NBEA: variants seen among roughly 807,000 people sequenced by gnomAD.
The protein encoded by NBEA is neurobeachin.
Under a neutral mutation model 343.4 loss-of-function variants are expected in NBEA, and 44 were observed. The ratio of observed to expected loss-of-function variants is 0.13; its 90% CI spans 0.10 to 0.16. The LOEUF (loss-of-function observed/expected upper bound fraction) is 0.16. Ranked by LOEUF, NBEA falls within the 10% of genes least tolerant of loss-of-function variation. The pLI, the probability that NBEA is intolerant of heterozygous loss-of-function variation, is 1.00. For synonymous variants in NBEA, 1,175 were observed against 1,238.7 expected, an observed-to-expected ratio of 0.95 and a Z score of 1.08; for missense variants, 2,555 against 3,631.3, an observed-to-expected ratio of 0.70 and a Z score of 7.62.
At position 35,088,811 on chromosome 13, in the gene NBEA, G is replaced by A. The variant is rs543682029; in HGVS notation, c.1572-9486G>A. ...CTGAGAAAAACAAGCAATGGGGAAA[G>A]GATTCCCTATTTAATAAATGGTGCT... On this transcript the variant is annotated intron_variant, in intron 10 of 58. Transcript: ENST00000379939. Among the ~76,000 whole-genome samples, 11 of 148,058 alleles carry A rather than the reference G, an allele frequency of 7.4e-5. No individual in the cohort carries two copies. The South Asian group carries it at 2.2e-3, about 29-fold the overall frequency.
intron 38 of NBEA, among the ~76,000 whole-genome samples, chr13:35,429,603 C>T (rs1319028141): frequency 6.6e-6 from 1 of 152,024 alleles, no homozygotes; most frequent in South Asian, 2.1e-4. Context: ...CTTTTCTCAC[C>T]TTTCAGAGTC....
At chr13:34,943,592 G>T (rs928329254) in intron 1 of NBEA, among the ~76,000 whole-genome samples, 1 of 152,136 alleles carries the variant, frequency 6.6e-6, no homozygotes, top group Non-Finnish European at 1.5e-5. Context: ...GAGCAGCTGG[G>T]GTGTGATGTT....
intron 26 of NBEA, 120 bp downstream of exon 26, chr13:35,171,572 C>T (rs1352618663): frequency 7.4e-6 from 6 of 806,172 alleles, no homozygotes; most frequent in Non-Finnish European, 1.1e-5. Context: ...TGGAGATTAT[C>T]TTGAGATACA....
intron 48 of NBEA, among the ~76,000 whole-genome samples, chr13:35,616,970 A>G (rs1398278315): frequency 6.6e-6 from 1 of 152,264 alleles, no homozygotes; most frequent in Non-Finnish European, 1.5e-5. Flanking sequence ...TGTGCAATGC[A>G]CTAGGAACTG....
chr13:35,328,130 A>G (rs888092519), intron 36 of NBEA, among the ~76,000 whole-genome samples: 1 of 151,998 alleles, frequency 6.6e-6, no homozygotes, highest in Non-Finnish European at 1.5e-5. Context: ...CTTAAGATGT[A>G]TGACAGAAGG....
At chr13:35,440,399 A>G (rs991411339) in intron 39 of NBEA, among the ~76,000 whole-genome samples, 4 of 152,234 alleles carry the variant, frequency 2.6e-5, no homozygotes, top group African/African-American at 9.6e-5. Flanking sequence ...CACATTTACA[A>G]GTGATTATAA....
chr13:35,457,819 G>A (rs1383429903), intron 40 of NBEA, among the ~76,000 whole-genome samples: 22 of 152,126 alleles, frequency 1.4e-4, no homozygotes, highest in Admixed American at 1.2e-3. Context: ...CGTGTTAGCC[G>A]TATGGTCTCA....
chr13:35,242,450 T>A (rs1430664649), intron 34 of NBEA, among the ~76,000 whole-genome samples: 3 of 151,750 alleles, frequency 2.0e-5, no homozygotes, highest in Non-Finnish European at 4.4e-5. Context: ...ATTATGGTAG[T>A]TGCATAAGGA....
intron 11 of NBEA, among the ~76,000 whole-genome samples, chr13:35,099,325 G>A (rs1357612494): frequency 2.0e-5 from 3 of 149,300 alleles, no homozygotes; most frequent in Non-Finnish European, 4.5e-5. Flanking sequence ...CAGCCTCCCA[G>A]GTAGCTGGAA....
chr13:35,431,705 T>A (rs556966588), intron 38 of NBEA, among the ~76,000 whole-genome samples: 8 of 152,176 alleles, frequency 5.3e-5, no homozygotes, highest in Non-Finnish European at 1.0e-4. Flanking sequence ...ATGGATAAAA[T>A]TGCATTTTTC....
intron 38 of NBEA, among the ~76,000 whole-genome samples, chr13:35,374,166 G>A (rs1488894625): frequency 6.6e-6 from 1 of 151,722 alleles, no homozygotes; most frequent in Non-Finnish European, 1.5e-5. Flanking sequence ...ACAGTTAGAT[G>A]CCATTAGTTG....
chr13:35,294,497 A>G (rs2035991142), intron 35 of NBEA, among the ~76,000 whole-genome samples: 1 of 152,122 alleles, frequency 6.6e-6, no homozygotes. Context: ...GATGGAGTAG[A>G]TGTTTTTTCC....
rs751128271 is a variant in NBEA at position 35,472,293 on chromosome 13, A to AT, written c.6449-101dup. ...GAGTTTGCCGCATAATACAGGCACCATTTTTTCTAGTGCATCCTTACCAAT... is the reference window on the plus strand; with the variant it reads ...GAGTTTGCCGCATAATACAGGCACCATTTTTTTCTAGTGCATCCTTACCAAT... On this transcript the variant is annotated intron_variant, in intron 40 of 58. Coordinates refer to ENST00000379939, the MANE Select transcript of NBEA (RefSeq NM_001385012.1). 6.4e-4 allele frequency: 821 copies of AT among 1,279,658 alleles called. 1 individual carries two copies. Among genetic ancestry groups the AT allele is most frequent in the Non-Finnish European group, 8.0e-4 (753 of 941,486 alleles). 79.3% of individuals were successfully genotyped at this position (1,279,658 alleles called of 1,614,324 possible).
intron 33 of NBEA, among the ~76,000 whole-genome samples, chr13:35,220,509 T>A (rs945926278): frequency 6.6e-6 from 1 of 152,214 alleles, no homozygotes; most frequent in South Asian, 2.1e-4. Context: ...TATTTTCTTA[T>A]AGTGCTTTGA....
intron 38 of NBEA, among the ~76,000 whole-genome samples, chr13:35,354,384 A>C (rs1411696147): frequency 6.6e-6 from 1 of 152,144 alleles, no homozygotes; most frequent in Admixed American, 6.6e-5. Flanking sequence ...AAAGCAGTAC[A>C]TGGTTTGGGT....
chr13:35,258,798 G>C (rs891921249), intron 34 of NBEA, among the ~76,000 whole-genome samples: 1 of 152,098 alleles, frequency 6.6e-6, no homozygotes, highest in African/African-American at 2.4e-5. Context: ...AAATTTTAAT[G>C]ATGGTGCAAA....
intron 34 of NBEA, among the ~76,000 whole-genome samples, chr13:35,241,412 A>G: frequency 6.6e-6 from 1 of 151,900 alleles, no homozygotes; most frequent in Non-Finnish European, 1.5e-5. Flanking sequence ...CTCCCTGAAC[A>G]AACAAAAGAC....
intron 31 of NBEA, among the ~76,000 whole-genome samples, chr13:35,203,403 G>A (rs1448399926): frequency 6.6e-6 from 1 of 151,892 alleles, no homozygotes; most frequent in Non-Finnish European, 1.5e-5. Context: ...ACCATTTTTT[G>A]TCAATCTTCT....
intron 36 of NBEA, among the ~76,000 whole-genome samples, chr13:35,310,071 A>AT (rs534904612): frequency 4.1e-4 from 62 of 150,288 alleles, no homozygotes; most frequent in African/African-American, 9.0e-4. Context: ...ATATTCTATT[A>AT]TTTTTTTTTT....
Sources: gnomAD v4.1 joint callset for allele counts (sites outside exome capture counted in the v4.1 genomes callset) on GRCh38, gnomAD v4.1.1 for gene constraint, MANE v1.5 for transcripts, NCBI Gene and HGNC (gene_info 2026-07-23, HGNC 2026-07-21) for gene names.